The following ADAMTS17 variants were observed in gnomAD, a reference collection of about 807,000 sequenced individuals.
ADAMTS17 encodes A disintegrin and metalloproteinase with thrombospondin motifs 17.
A neutral mutation model predicts 141.5 loss-of-function variants in ADAMTS17; 113 were observed. The ratio of observed to expected loss-of-function variants is 0.80; its 90% CI spans 0.69 to 0.93. The LOEUF (loss-of-function observed/expected upper bound fraction) is 0.93. ADAMTS17 is among the 40% of genes least tolerant of loss of function. The probability of loss-of-function intolerance (pLI) is 0.00; values close to 1 mark genes in which losing one functional copy is unlikely to be tolerated. For synonymous variants in ADAMTS17, 768 were observed against 630.6 expected (o/e 1.22, Z -3.27); for missense variants, 1,659 against 1,517.9 (o/e 1.09, Z -1.54).
chr15:100,077,925 T>C (rs1596361795), intron 15 of ADAMTS17, among the ~76,000 whole-genome samples: 1 of 152,252 alleles, frequency 6.6e-6, no homozygotes, highest in East Asian at 1.9e-4. Context: ...ACAAGGCCAA[T>C]ATATAAAAAT....
Position 99,976,144 on chromosome 15 carries a change from C to A in ADAMTS17, c.3028G>T (p.Glu1010Ter). 1 of 1,550,876 alleles carries A rather than the reference C, an allele frequency of 6.4e-7. No homozygotes were observed. Among genetic ancestry groups the A allele is most frequent in the Non-Finnish European group, 8.7e-7 (1 of 1,146,936 alleles). The change falls in exon 21 of 22, where the codon GAG (glutamate) becomes TAG (stop). Residue 1010 changes from glutamate to a stop codon, truncating the protein, a stop_gained. Coordinates refer to ENST00000268070, the MANE Select transcript of ADAMTS17 (RefSeq NM_139057.4). LOFTEE classifies it high-confidence loss of function. ...GCAGGCTTCGAGAGGGCGGGGCACT[C>A]GCTGCCGTGGCGCCCTGTGACCTTG... The part of the protein sequence containing the change: ...MHKVTGRHGS[E>*]CPALSKPAPY...
intron 18 of ADAMTS17, among the ~76,000 whole-genome samples, chr15:100,008,516 G>A (rs567263570): frequency 1.6e-4 from 24 of 152,328 alleles, no homozygotes; most frequent in East Asian, 3.9e-4. Flanking sequence ...GCCAGGGCCC[G>A]GGGGCCCAGG....
intron 14 of ADAMTS17, among the ~76,000 whole-genome samples, chr15:100,103,356 G>C (rs2036233765): frequency 6.6e-6 from 1 of 152,218 alleles, no homozygotes; most frequent in Admixed American, 6.5e-5. Flanking sequence ...CTTTCCTGCA[G>C]GCTTGTTACC....
At chr15:99,981,239 T>C (rs1325678121) in intron 20 of ADAMTS17, among the ~76,000 whole-genome samples, 12 of 152,182 alleles carry the variant, frequency 7.9e-5, no homozygotes, top group Admixed American at 7.9e-4. Context: ...GTCACTGGCT[T>C]TTAATTTTCC....
chr15:100,123,079 A>G (rs1372427760), intron 12 of ADAMTS17, among the ~76,000 whole-genome samples: 5 of 152,208 alleles, frequency 3.3e-5, no homozygotes, highest in Non-Finnish European at 5.9e-5. Context: ...GGAGGCCCCA[A>G]CTTTCCCAAG....
chr15:100,091,095 C>T (rs900756698), intron 15 of ADAMTS17, among the ~76,000 whole-genome samples: 1 of 150,490 alleles, frequency 6.6e-6, no homozygotes, highest in East Asian at 2.0e-4. Context: ...ACCGGGGAAA[C>T]TGCCTCGAGC....
At chr15:100,151,906 A>C (rs2039184160) in intron 10 of ADAMTS17, among the ~76,000 whole-genome samples, 1 of 152,212 alleles carries the variant, frequency 6.6e-6, no homozygotes, top group South Asian at 2.1e-4. Context: ...AAACGTGTGC[A>C]ATCAGGGGTG....
chr15:100,233,914 T>C (rs2042571496), intron 7 of ADAMTS17, among the ~76,000 whole-genome samples: 1 of 152,130 alleles, frequency 6.6e-6, no homozygotes, highest in Non-Finnish European at 1.5e-5. Context: ...CTGGGCCACA[T>C]GTCCTGGGCG....
At chr15:100,326,412 A>C (rs1596530487) in intron 3 of ADAMTS17, among the ~76,000 whole-genome samples, 1 of 152,164 alleles carries the variant, frequency 6.6e-6, no homozygotes, top group East Asian at 1.9e-4. Context: ...GAGGAACCAA[A>C]TTTCAGAGGG....
At chr15:100,241,675 G>A (rs1449584195) in intron 7 of ADAMTS17, among the ~76,000 whole-genome samples, 1 of 152,140 alleles carries the variant, frequency 6.6e-6, no homozygotes, top group Admixed American at 6.5e-5. Flanking sequence ...ATTCCACCAG[G>A]CAGAGGGCAG....
At chr15:100,145,680 G>A (rs2038868300) in intron 10 of ADAMTS17, among the ~76,000 whole-genome samples, 1 of 152,170 alleles carries the variant, frequency 6.6e-6, no homozygotes, top group Non-Finnish European at 1.5e-5. Context: ...TTAATAGAAT[G>A]GAGTATAAAT....
At chr15:100,245,946 A>G (rs886567525) in intron 7 of ADAMTS17, among the ~76,000 whole-genome samples, 2 of 151,840 alleles carry the variant, frequency 1.3e-5, no homozygotes, top group African/African-American at 4.8e-5. Context: ...CACATGCATC[A>G]CTTACATGTT....
chr15:100,161,114 T>C (rs1461536709), intron 8 of ADAMTS17, among the ~76,000 whole-genome samples: 4 of 152,204 alleles, frequency 2.6e-5, no homozygotes, highest in African/African-American at 9.6e-5. Flanking sequence ...GACACAGTCA[T>C]AACTTCATGG....
intron 15 of ADAMTS17, among the ~76,000 whole-genome samples, chr15:100,068,240 A>G (rs1462067032): frequency 2.0e-5 from 3 of 151,986 alleles, no homozygotes; most frequent in African/African-American, 4.8e-5. Context: ...TGAGTAGGTA[A>G]ACAAAGCCAC....
chr15:100,335,093 T>C (rs2046169201), intron 2 of ADAMTS17, among the ~76,000 whole-genome samples: 1 of 152,008 alleles, frequency 6.6e-6, no homozygotes, highest in Non-Finnish European at 1.5e-5. Context: ...CCGGGGGAAC[T>C]TGTGAGAAAT....
intron 4 of ADAMTS17, 34 bp downstream of exon 4, chr15:100,281,195 G>T (rs530512936): frequency 6.3e-7 from 1 of 1,599,608 alleles, no homozygotes; most frequent in Admixed American, 1.7e-5. Context: ...AGAAAACAGA[G>T]CCCCCCACAT....
Position 99,997,632 on chromosome 15 carries a change from G to C in ADAMTS17, c.2592-43C>G. ...AGAGAGAGAGAACGACTGGGTGAGAGGCCAGCCTCTCCGGAGGGCCTTCCG... is the reference window on the plus strand; with the variant it reads ...AGAGAGAGAGAACGACTGGGTGAGACGCCAGCCTCTCCGGAGGGCCTTCCG... On this transcript the variant is annotated intron_variant, in intron 18 of 21. Transcript: ENST00000268070. The surrounding 1 kb of genome is among the most constrained non-coding windows in gnomAD (Gnocchi z 4.7). The C allele has an allele frequency of 1.9e-6, 3 of 1,610,394 alleles. No individual in the cohort carries two copies. The highest frequency in any genetic ancestry group is 2.5e-6 in the Non-Finnish European group (3 of 1,179,028).
intron 21 of ADAMTS17, among the ~76,000 whole-genome samples, chr15:99,974,960 C>T (rs779351105): frequency 9.9e-5 from 15 of 152,218 alleles, no homozygotes; most frequent in African/African-American, 3.4e-4. Flanking sequence ...CAAGTACATA[C>T]AAGTGGCCCA....
Position 99,997,542 on chromosome 15 carries a change from C to G in ADAMTS17, c.2639G>C (p.Gly880Ala). ...GCAGGTCACCTCCCGGTGCTGGAAG[C>G]CTTTCTCACAGGTCGCCGAGCAGGG... ...WSPCSATCEK[G>A]FQHREVTCVY... Residue 880 changes from glycine (G) to alanine (A), a missense_variant, in exon 19 of 22, where the codon GGC becomes GCC. Physicochemically the swap from Gly to Ala is moderately conservative, Grantham distance 60. Transcript: ENST00000268070. This position sits in a 1 kb window ranked among gnomAD's most constrained non-coding sequence, Gnocchi z 4.7. 6.2e-7 allele frequency: 1 copy of G among 1,613,642 alleles called. No individual in the cohort carries two copies. The highest frequency in any genetic ancestry group is 1.3e-5 in the African/African-American group (1 of 75,040).
Sources: gnomAD v4.1 joint callset for allele counts (sites outside exome capture counted in the v4.1 genomes callset) on GRCh38, gnomAD v4.1.1 for gene constraint, Gnocchi (gnomAD v3.1) non-coding constraint, MANE v1.5 for transcripts, NCBI Gene and HGNC (gene_info 2026-07-23, HGNC 2026-07-21) for gene names.